The following ASIC2 variants were observed in gnomAD, a reference collection of about 807,000 sequenced individuals.
The protein encoded by ASIC2 is acid sensing ion channel subunit 2.
ASIC2 carries 25 observed loss-of-function variants against 57.3 expected under a neutral mutation model. The observed-to-expected ratio is 0.44, with a 90% CI of 0.32 to 0.61. The LOEUF (loss-of-function observed/expected upper bound fraction) is 0.61, where lower values mean the gene tolerates loss of function less well. Among genes scored for constraint, ASIC2 ranks in the 20% least tolerant of loss-of-function variants. The probability of loss-of-function intolerance (pLI) is 0.06; values close to 1 mark genes in which losing one functional copy is unlikely to be tolerated. For missense variants in ASIC2, 641 were observed against 738.1 expected (o/e 0.87, Z 1.52); for synonymous variants, 319 against 307.5 (o/e 1.04, Z -0.39).
rs1912346815 is a variant in ASIC2 at position 33,453,640 on chromosome 17, G to T, written c.556-341573C>A. 2.0e-5 allele frequency among the ~76,000 whole-genome samples: 3 copies of T among 152,266 alleles called. No homozygotes were observed. The South Asian group carries it at 6.2e-4, about 32-fold the overall frequency. On this transcript the variant is annotated intron_variant, in intron 1 of 9. Coordinates refer to the ASIC2 transcript ENST00000359872. ...AAATCAGCTTTATTGAGGAATAATTGTTTTATAATTAGCTGTGTATTTTTA... is the reference window on the plus strand; with the variant it reads ...AAATCAGCTTTATTGAGGAATAATTTTTTTATAATTAGCTGTGTATTTTTA...
intron 1 of ASIC2, among the ~76,000 whole-genome samples, chr17:33,756,168 A>G (rs72814910): frequency 0.032 from 4,811 of 152,352 alleles, 120 homozygotes; most frequent in Non-Finnish European, 0.051. Flanking sequence ...CATGGCCTTC[A>G]GCCAGCCAGG....
intron 1 of ASIC2, among the ~76,000 whole-genome samples, chr17:33,117,478 C>T (rs1294263303): frequency 6.6e-6 from 1 of 152,172 alleles, no homozygotes; most frequent in Admixed American, 6.5e-5. Context: ...ACCTGGCCCT[C>T]CTCATTCTTG....
chr17:33,339,984 G>A (rs1423980698), intron 1 of ASIC2, among the ~76,000 whole-genome samples: 1 of 152,128 alleles, frequency 6.6e-6, no homozygotes, highest in Non-Finnish European at 1.5e-5. Flanking sequence ...AACTCCAACT[G>A]CTGGAATTAC....
intron 1 of ASIC2, among the ~76,000 whole-genome samples, chr17:33,137,294 T>G (rs1194322732): frequency 6.6e-6 from 1 of 152,246 alleles, no homozygotes; most frequent in Admixed American, 6.5e-5. Context: ...CTTACAGAAC[T>G]TATCAGAGGC....
intron 1 of ASIC2, among the ~76,000 whole-genome samples, chr17:33,806,062 C>T (rs1171202827): frequency 6.6e-6 from 1 of 151,780 alleles, no homozygotes; most frequent in African/African-American, 2.4e-5. Context: ...CCCATGGGGG[C>T]CACCCGCAGG....
intron 1 of ASIC2, among the ~76,000 whole-genome samples, chr17:33,494,688 G>A (rs1486051473): frequency 9.9e-5 from 15 of 152,196 alleles, no homozygotes; most frequent in Admixed American, 8.5e-4. Flanking sequence ...GGACTGGACA[G>A]GACTTCCCTG....
intron 1 of ASIC2, among the ~76,000 whole-genome samples, chr17:34,104,093 A>G (rs1045952675): frequency 1.3e-5 from 2 of 151,288 alleles, no homozygotes; most frequent in Non-Finnish European, 1.5e-5. Context: ...CAAATATAGT[A>G]TATCTCTTCA....
chr17:33,696,227 A>G (rs1463395488), intron 1 of ASIC2, among the ~76,000 whole-genome samples: 1 of 81,676 alleles, frequency 1.2e-5, no homozygotes, highest in Non-Finnish European at 2.6e-5. Context: ...AAACACAACT[A>G]AATAGCGCTG....
chr17:33,264,605 C>T (rs1909398039), intron 1 of ASIC2, among the ~76,000 whole-genome samples: 1 of 152,222 alleles, frequency 6.6e-6, no homozygotes, highest in Non-Finnish European at 1.5e-5. Context: ...TTTCTCTCAT[C>T]TCACTCCTGA....
At chr17:33,125,553 C>T (rs1228515944) in intron 1 of ASIC2, among the ~76,000 whole-genome samples, 1 of 152,206 alleles carries the variant, frequency 6.6e-6, no homozygotes, top group African/African-American at 2.4e-5. Flanking sequence ...ACATGTCAAA[C>T]ACCGTGCTAG....
intron 1 of ASIC2, among the ~76,000 whole-genome samples, chr17:33,560,668 G>A (rs1177588734): frequency 6.6e-6 from 1 of 152,176 alleles, no homozygotes; most frequent in East Asian, 1.9e-4. Context: ...CAAGGTGAAA[G>A]AAGCAACGAA....
At chr17:33,733,383 G>T (rs148853628) in intron 1 of ASIC2, among the ~76,000 whole-genome samples, 75 of 152,292 alleles carry the variant, frequency 4.9e-4, no homozygotes, top group African/African-American at 1.8e-3. Context: ...AATCAACCTT[G>T]TTTGCCTAGG....
chr17:33,020,980 G>A (rs1204948361), intron 7 of ASIC2, among the ~76,000 whole-genome samples: 2 of 152,144 alleles, frequency 1.3e-5, no homozygotes, highest in African/African-American at 4.8e-5. Context: ...GCATAGATGG[G>A]GAAAATGAAG....
At chr17:33,809,251 A>G (rs1183810991) in intron 1 of ASIC2, among the ~76,000 whole-genome samples, 1 of 152,204 alleles carries the variant, frequency 6.6e-6, no homozygotes, top group Non-Finnish European at 1.5e-5. Context: ...TGGGGCCTTC[A>G]TCTCAACTGG....
intron 3 of ASIC2, among the ~76,000 whole-genome samples, chr17:33,074,350 C>A (rs1412524305): frequency 6.6e-6 from 1 of 152,192 alleles, no homozygotes; most frequent in East Asian, 1.9e-4. Context: ...GTTGGCCCTG[C>A]CCCTTGTCAT....
chr17:33,852,347 G>A (rs317413), intron 1 of ASIC2, among the ~76,000 whole-genome samples: 45,728 of 151,916 alleles, frequency 0.3, 7,196 homozygotes, highest in East Asian at 0.48. Flanking sequence ...CTTCACCATT[G>A]GCTTCAGGAT....
chr17:33,493,720 G>C (rs370293858), intron 1 of ASIC2, among the ~76,000 whole-genome samples: 27 of 152,104 alleles, frequency 1.8e-4, no homozygotes, highest in African/African-American at 6.5e-4. Context: ...CTGGGAACCC[G>C]CCATCCTTCC....
chr17:33,655,056 A>G (rs951672704), intron 1 of ASIC2, among the ~76,000 whole-genome samples: 7 of 152,108 alleles, frequency 4.6e-5, no homozygotes, highest in Non-Finnish European at 1.0e-4. Flanking sequence ...TCAATCCCCC[A>G]CTAGATCCAC....
intron 1 of ASIC2, among the ~76,000 whole-genome samples, chr17:33,895,140 T>A (rs1366974242): frequency 6.7e-6 from 1 of 150,190 alleles, no homozygotes; most frequent in Non-Finnish European, 1.5e-5. Context: ...TGGGGGTTAG[T>A]GGCAAGCATT....
Sources: gnomAD v4.1 joint callset for allele counts (sites outside exome capture counted in the v4.1 genomes callset) on GRCh38, gnomAD v4.1.1 for gene constraint, MANE v1.5 for transcripts, NCBI Gene and HGNC (gene_info 2026-07-23, HGNC 2026-07-21) for gene names.